The following PRTG variants were observed in gnomAD, a reference collection of about 807,000 sequenced individuals.
PRTG encodes the protein protogenin.
A neutral mutation model predicts 122.5 loss-of-function variants in PRTG; 67 were observed. That is an observed-to-expected ratio of 0.55 (90% CI 0.45 to 0.67). The LOEUF is 0.67. Among genes scored for constraint, PRTG ranks in the 30% least tolerant of loss-of-function variants. The pLI, the probability that PRTG is intolerant of heterozygous loss-of-function variation, is 0.00. For synonymous variants in PRTG, 554 were observed against 501.1 expected, an observed-to-expected ratio of 1.11 and a Z score of -1.41; for missense variants, 1,435 against 1,415.4, an observed-to-expected ratio of 1.01 and a Z score of -0.22.
intron 2 of PRTG, among the ~76,000 whole-genome samples, chr15:55,714,212 T>TCTCTCC (rs2030510862): frequency 7.1e-6 from 1 of 140,450 alleles, no homozygotes; most frequent in Non-Finnish European, 1.5e-5. Context: ...TCTGTCTCTC[T>TCTCTCC]CTCTCTCTCT....
At chr15:55,696,392 G>A (rs535500826) in intron 2 of PRTG, among the ~76,000 whole-genome samples, 10 of 152,248 alleles carry the variant, frequency 6.6e-5, no homozygotes, top group East Asian at 1.9e-4. Context: ...TCAACCATGC[G>A]TTTGTATACT....
intron 5 of PRTG, 34 bp downstream of exon 5, chr15:55,680,455 GAA>G (rs747716046): frequency 2.0e-6 from 3 of 1,521,244 alleles, no homozygotes; most frequent in Non-Finnish European, 2.6e-6. Flanking sequence ...AAAATTTAAG[GAA>G]AAGACTTTTT....
chr15:55,649,867 C>T (rs2059344351), intron 11 of PRTG, among the ~76,000 whole-genome samples: 1 of 152,048 alleles, frequency 6.6e-6, no homozygotes, highest in South Asian at 2.1e-4. Flanking sequence ...CCTATGATTC[C>T]TAATCCCTGC....
At chr15:55,670,115 TATAA>T (rs1473971997) in intron 11 of PRTG, among the ~76,000 whole-genome samples, 7 of 152,176 alleles carry the variant, frequency 4.6e-5, no homozygotes, top group Admixed American at 1.3e-4. Flanking sequence ...TCTTCCTCTT[TATAA>T]ATAAATAAAT....
intron 11 of PRTG, among the ~76,000 whole-genome samples, chr15:55,671,508 T>A (rs2059471335): frequency 6.6e-6 from 1 of 152,218 alleles, no homozygotes; most frequent in South Asian, 2.1e-4. Flanking sequence ...TTTTTTCTTT[T>A]TTTTGAGACA....
chr15:55,713,926 T>C (rs575735158), intron 2 of PRTG, among the ~76,000 whole-genome samples: 1 of 152,310 alleles, frequency 6.6e-6, no homozygotes, highest in East Asian at 1.9e-4. Context: ...ATAAAATTTA[T>C]TAATTTTTTT....
chr15:55,705,284 C>T (rs551364436), intron 2 of PRTG, among the ~76,000 whole-genome samples: 8 of 152,260 alleles, frequency 5.3e-5, no homozygotes, highest in Middle Eastern at 6.8e-3. Flanking sequence ...AGGACACATA[C>T]ATTCATGCAA....
chr15:55,718,540 A>C (rs1205563688), intron 2 of PRTG, among the ~76,000 whole-genome samples: 3 of 145,956 alleles, frequency 2.1e-5, no homozygotes, highest in Non-Finnish European at 3.0e-5. Flanking sequence ...AAACGGCCCC[A>C]CCCCTATCTC....
intron 2 of PRTG, among the ~76,000 whole-genome samples, chr15:55,692,829 C>A (rs1289235625): frequency 7.3e-6 from 1 of 136,402 alleles, no homozygotes; most frequent in Non-Finnish European, 1.6e-5. Context: ...AATTTTAATG[C>A]AATCTCTTTT....
At chr15:55,629,495 G>T (rs2141719272) in intron 15 of PRTG, among the ~76,000 whole-genome samples, 1 of 148,256 alleles carries the variant, frequency 6.7e-6, no homozygotes, top group Non-Finnish European at 1.5e-5. Flanking sequence ...TTTTATTATG[G>T]AACATTTGAA....
intron 6 of PRTG, chr15:55,679,801 G>A: frequency 2.0e-6 from 1 of 489,040 alleles, no homozygotes; most frequent in Non-Finnish European, 3.6e-6. Context: ...ATGTGTGTAG[G>A]TGTGATGGAG....
intron 11 of PRTG, among the ~76,000 whole-genome samples, chr15:55,649,307 T>C (rs531570482): frequency 2.0e-5 from 3 of 152,274 alleles, no homozygotes; most frequent in African/African-American, 7.2e-5. Flanking sequence ...GTCATTACTA[T>C]GAAACTTGGA....
In PRTG at chr15:55,742,912, G is replaced by A. The variant is rs1458696723; in HGVS notation, c.20C>T (p.Pro7Leu). Residue 7 changes from proline (P) to leucine (L), a missense_variant, in exon 1 of 20, where the codon CCC becomes CTC. Physicochemically the swap from Pro to Leu is moderately conservative, Grantham distance 98 (BLOSUM62 -3). Transcript: ENST00000389286. MAPPLRPLARLRPPGML... is the reference protein window; with the variant it reads MAPPLRLLARLRPPGML... Reference sequence around the variant, plus strand: ...CCCCGGCGGTCGCAGCCGGGCGAGGGGTCGCAGAGGAGGCGCCATTCAGCG... The same window carrying A: ...CCCCGGCGGTCGCAGCCGGGCGAGGAGTCGCAGAGGAGGCGCCATTCAGCG... The A allele has an allele frequency of 1.2e-5, 19 of 1,526,374 alleles. No individual in the cohort carries two copies. The highest frequency in any genetic ancestry group is 1.2e-4 in the South Asian group (10 of 82,714). The allele number at this position is 1,526,374 out of a possible 1,614,324, so 94.6% of individuals were successfully genotyped here.
At chr15:55,733,515 A>C (rs1314676100) in intron 2 of PRTG, among the ~76,000 whole-genome samples, 5 of 77,998 alleles carry the variant, frequency 6.4e-5, no homozygotes, top group Admixed American at 2.2e-4. Context: ...TGTCTCAAAC[A>C]AAAAAAAAAA....
chr15:55,715,523 A>C (rs771765406), intron 2 of PRTG, among the ~76,000 whole-genome samples: 3 of 152,228 alleles, frequency 2.0e-5, no homozygotes, highest in Non-Finnish European at 4.4e-5. Context: ...AAGTGACCTC[A>C]GGGCAACTCC....
At chr15:55,671,037 T>A (rs2141792130) in intron 11 of PRTG, among the ~76,000 whole-genome samples, 1 of 152,084 alleles carries the variant, frequency 6.6e-6, no homozygotes, top group African/African-American at 2.4e-5. Flanking sequence ...GAATGCAGAT[T>A]AAATTAAAAA....
chr15:55,628,976 G>T lies in PRTG; in HGVS notation c.2652C>A (p.Asn884Lys), dbSNP rs199946390. Residue 884 changes from asparagine (N) to lysine (K), a missense_variant, in exon 16 of 20, where the codon AAC (asparagine) becomes AAA (lysine). Physicochemically the swap from Asn to Lys is moderately conservative, Grantham distance 94. Coordinates refer to ENST00000389286, the MANE Select transcript of PRTG (RefSeq NM_173814.6). Reference sequence around the variant, plus strand: ...CAATGTACACATTTCCTGCTACCAAGTTTTCTAGCAAAGCCATGGTTATTG... The same window carrying T: ...CAATGTACACATTTCCTGCTACCAATTTTTCTAGCAAAGCCATGGTTATTG... ...EGAITMALLE[N>K]LVAGNVYIVK... is the part of the protein sequence containing the mutation. 3.1e-6 allele frequency: 5 copies of T among 1,611,078 alleles called. No individual in the cohort carries two copies. The South Asian group carries it at 5.5e-5, about 18-fold the overall frequency.
chr15:55,636,669 CAG>C (rs1396069516), intron 15 of PRTG, among the ~76,000 whole-genome samples: 2 of 151,864 alleles, frequency 1.3e-5, no homozygotes, highest in Non-Finnish European at 2.9e-5. Context: ...CCCCCCGAGA[CAG>C]AGTCTTGTTC....
At chr15:55,652,827 G>C (rs1260700817) in intron 11 of PRTG, among the ~76,000 whole-genome samples, 1 of 152,118 alleles carries the variant, frequency 6.6e-6, no homozygotes, top group African/African-American at 2.4e-5. Context: ...ATCACACCGA[G>C]ATGAGGGGAG....
Sources: gnomAD v4.1 joint callset for allele counts (sites outside exome capture counted in the v4.1 genomes callset) on GRCh38, gnomAD v4.1.1 for gene constraint, MANE v1.5 for transcripts, NCBI Gene and HGNC (gene_info 2026-07-23, HGNC 2026-07-21) for gene names.